PCSK5: variants seen among roughly 807,000 people sequenced by gnomAD.
PCSK5 encodes proprotein convertase subtilisin/kexin type 5.
In PCSK5, 129 loss-of-function variants were observed where a neutral mutation model predicts 233.2. That is an observed-to-expected ratio of 0.55 (90% CI 0.48 to 0.64). The LOEUF (loss-of-function observed/expected upper bound fraction) is 0.64, where lower values mean the gene tolerates loss of function less well. Among genes scored for constraint, PCSK5 ranks in the 30% least tolerant of loss-of-function variants. PCSK5 has a pLI of 0.00. For missense variants in PCSK5, 2,076 were observed against 2,430.1 expected, an observed-to-expected ratio of 0.85 and a Z score of 3.06; for synonymous variants, 825 against 879.2, an observed-to-expected ratio of 0.94 and a Z score of 1.09.
At chr9:76,289,517 T>TACAC (rs138282168) in intron 24 of PCSK5, among the ~76,000 whole-genome samples, 1,684 of 119,408 alleles carry the variant, frequency 0.014, 58 homozygotes, top group African/African-American at 0.047. Flanking sequence ...ACACGCAACA[T>TACAC]ACACACACAC....
intron 24 of PCSK5, chr9:76,287,223 C>T (rs1045888180): frequency 1.5e-4 from 32 of 219,678 alleles, no homozygotes; most frequent in Admixed American, 1.3e-3. Flanking sequence ...TCTCATGTCT[C>T]TATCGAAACT....
intron 3 of PCSK5, among the ~76,000 whole-genome samples, chr9:75,989,527 T>A (rs1267055875): frequency 6.6e-6 from 1 of 151,904 alleles, no homozygotes; most frequent in Non-Finnish European, 1.5e-5. Flanking sequence ...TCATAGATTC[T>A]GAGGGTCAGG....
At chr9:76,205,153 C>A in intron 20 of PCSK5, 1 of 518,928 alleles carries the variant, frequency 1.9e-6, no homozygotes, top group South Asian at 1.4e-5. Context: ...TTTTCCCCCA[C>A]CAAAATATAT....
intron 1 of PCSK5, among the ~76,000 whole-genome samples, chr9:75,910,437 G>C (rs1822674257): frequency 6.6e-6 from 1 of 152,172 alleles, no homozygotes; most frequent in Admixed American, 6.5e-5. Flanking sequence ...AACCCTAAAG[G>C]TCCTAGAGCT....
chr9:75,971,403 T>C (rs981230883), intron 2 of PCSK5, among the ~76,000 whole-genome samples: 1 of 152,230 alleles, frequency 6.6e-6, no homozygotes, highest in African/African-American at 2.4e-5. Context: ...TACGCATGTA[T>C]GTATCTTTAT....
Position 76,244,562 on chromosome 9 carries a change from G to GT in PCSK5, c.3142+3878_3142+3879insT, listed in dbSNP as rs759457128. ...AATAATTAGCTGTTGAAAATCCTGG[G>GT]GTTTTTTTTTTTTTTTTTTAGCTTT... On this transcript the variant is annotated intron_variant, in intron 24 of 37. Coordinates refer to ENST00000674117, the MANE Select transcript of PCSK5 (RefSeq NM_001372043.1). Among the ~76,000 whole-genome samples the GT allele has an allele frequency of 1.8e-4, 25 of 139,102 alleles. 1 individual carries two copies. The highest frequency in any genetic ancestry group is 8.0e-4 in the East Asian group (4 of 4,978). The allele number at this position is 139,102 out of a possible 152,430, so 91.3% of individuals were successfully genotyped here. A position where few individuals can be genotyped will look rare whatever the true frequency, so the allele number is the denominator to read the frequency against.
intron 30 of PCSK5, among the ~76,000 whole-genome samples, chr9:76,313,292 A>T (rs1043401171): frequency 6.6e-6 from 1 of 152,200 alleles, no homozygotes; most frequent in African/African-American, 2.4e-5. Context: ...TATAATTCAC[A>T]TACCATACAA....
At chr9:76,272,150 G>A (rs1262543482) in intron 24 of PCSK5, among the ~76,000 whole-genome samples, 1 of 152,130 alleles carries the variant, frequency 6.6e-6, no homozygotes, top group Non-Finnish European at 1.5e-5. Context: ...ACATTCATAG[G>A]TAGGTAGTAG....
At chr9:76,308,760 A>T (rs756315092) in intron 29 of PCSK5, 32 bp downstream of exon 29, 1 of 1,378,066 alleles carries the variant, frequency 7.3e-7, no homozygotes, top group Admixed American at 1.7e-5. Flanking sequence ...AGATGGCAGC[A>T]GTCAAGCCAA....
chr9:76,324,027 G>T (rs1341081395), intron 32 of PCSK5, among the ~76,000 whole-genome samples: 1 of 150,808 alleles, frequency 6.6e-6, no homozygotes, highest in Non-Finnish European at 1.5e-5. Context: ...CTGGGTTCAA[G>T]CGATTTGCCT....
intron 8 of PCSK5, among the ~76,000 whole-genome samples, chr9:76,103,359 C>T (rs148238107): frequency 9.9e-5 from 15 of 152,108 alleles, no homozygotes; most frequent in African/African-American, 3.4e-4. Context: ...TTAACAGATA[C>T]GAGACAATAT....
chr9:75,967,968 G>A (rs1825664350), intron 2 of PCSK5, among the ~76,000 whole-genome samples: 1 of 152,200 alleles, frequency 6.6e-6, no homozygotes, highest in Non-Finnish European at 1.5e-5. Context: ...CTCCATGTTG[G>A]TCAGGCAGGT....
intron 24 of PCSK5, among the ~76,000 whole-genome samples, chr9:76,254,601 A>G (rs994706737): frequency 6.6e-6 from 1 of 152,210 alleles, no homozygotes; most frequent in Non-Finnish European, 1.5e-5. Context: ...GCTGTCAGCT[A>G]AAAGGAACTT....
At chr9:75,905,961 C>A (rs563711659) in intron 1 of PCSK5, among the ~76,000 whole-genome samples, 1 of 152,300 alleles carries the variant, frequency 6.6e-6, no homozygotes. Flanking sequence ...AATTATATCT[C>A]AGTAAAGCTG....
chr9:75,898,084 C>T lies in PCSK5; in HGVS notation c.192+6711C>T, dbSNP rs186045468. On this transcript the variant is annotated intron_variant, in intron 1 of 37. Transcript: ENST00000674117. ...GACCTTACCTGATCTGCACTTTCTT[C>T]ATGGCAAAACCTACCCTGACCTAAA... 4.1e-3 allele frequency among the ~76,000 whole-genome samples: 618 copies of T among 152,300 alleles called. 6 individuals carry two copies. The highest frequency in any genetic ancestry group is 0.014 in the African/African-American group (583 of 41,564).
chr9:76,012,666 A>G (rs144404843), intron 3 of PCSK5, among the ~76,000 whole-genome samples: 2,423 of 152,344 alleles, frequency 0.016, 77 homozygotes, highest in African/African-American at 0.055. Context: ...ATATAAAAGC[A>G]TAACGATGAG....
At chr9:76,127,107 G>GA (rs5898451) in intron 9 of PCSK5, among the ~76,000 whole-genome samples, 1 of 151,568 alleles carries the variant, frequency 6.6e-6, no homozygotes, top group Admixed American at 6.6e-5. Flanking sequence ...TACTCAACAG[G>GA]AAAAAAATGG....
chr9:76,159,241 G>T, intron 12 of PCSK5, 70 bp downstream of exon 12: 2 of 1,404,390 alleles, frequency 1.4e-6, no homozygotes, highest in Middle Eastern at 1.8e-4. Context: ...AGGTAGAAGG[G>T]AACAGCTGCT....
At chr9:76,313,211 T>C (rs964989442) in intron 30 of PCSK5, among the ~76,000 whole-genome samples, 1 of 152,228 alleles carries the variant, frequency 6.6e-6, no homozygotes, top group African/African-American at 2.4e-5. Context: ...TTGAAGTCCA[T>C]GTGCTTAACT....
Sources: allele counts gnomAD v4.1 joint callset (sites outside exome capture counted in the v4.1 genomes callset), GRCh38; gene constraint gnomAD v4.1.1; transcripts MANE v1.5; gene names NCBI Gene and HGNC (gene_info 2026-07-23, HGNC 2026-07-21).